ZNF629: variants seen among roughly 807,000 people sequenced by gnomAD.
The protein encoded by ZNF629 is DNA-binding protein.
ZNF629 carries 9 observed loss-of-function variants against 59.7 expected under a neutral mutation model. The observed-to-expected ratio is 0.15, with a 90% CI of 0.09 to 0.26. The LOEUF (loss-of-function observed/expected upper bound fraction) is 0.26. Among genes scored for constraint, ZNF629 ranks in the 10% least tolerant of loss-of-function variants. The pLI is 1.00. For synonymous variants in ZNF629, 509 were observed against 498.9 expected (o/e 1.02, Z -0.27); for missense variants, 853 against 1,165.4 (o/e 0.73, Z 3.90).
rs1006754519 is a variant in ZNF629 at position 30,781,652 on chromosome 16, T to G, written c.*66A>C. On this transcript the variant is annotated 3_prime_UTR_variant, in exon 3 of 3. Coordinates refer to ENST00000262525, the MANE Select transcript of ZNF629 (RefSeq NM_001080417.3). ...GTTATCCTCCCTTCCCCATGTAATTTTTTTGGGGGAAAAAATCCAGTGTTC... is the reference window on the plus strand; with the variant it reads ...GTTATCCTCCCTTCCCCATGTAATTGTTTTGGGGGAAAAAATCCAGTGTTC... The G allele has an allele frequency of 8.3e-6, 12 of 1,443,412 alleles. No homozygotes were observed. Among genetic ancestry groups the G allele is most frequent in the Non-Finnish European group, 1.1e-5 (12 of 1,089,308 alleles). 89.4% of individuals were successfully genotyped at this position (1,443,412 alleles called of 1,614,324 possible). A position where few individuals can be genotyped will look rare whatever the true frequency, so the allele number is the denominator to read the frequency against.
chr16:30,781,420 C>T lies in ZNF629; in HGVS notation c.*298G>A, dbSNP rs191977848. The stretch of plus-strand genomic sequence containing the variant: ...TTCCTACAATTAATAGGGCTTTTAT[C>T]CACTATGGTTTATAGGGTTTTTCTG... On this transcript the variant is annotated 3_prime_UTR_variant, in exon 3 of 3. Coordinates refer to ENST00000262525, the MANE Select transcript of ZNF629 (RefSeq NM_001080417.3). 348 of 256,478 alleles carry T rather than the reference C, an allele frequency of 1.4e-3. No homozygotes were observed. The highest frequency in any genetic ancestry group is 2.1e-3 in the Non-Finnish European group (293 of 136,676). 15.9% of individuals were successfully genotyped at this position (256,478 alleles called of 1,614,324 possible).
In ZNF629 at chr16:30,779,076, A is replaced by C. The variant is rs1156273879; in HGVS notation, c.*2642T>G. 2.0e-5 allele frequency: 3 copies of C among 152,050 alleles called. No individual in the cohort carries two copies. The highest frequency in any genetic ancestry group is 2.4e-5 in the African/African-American group (1 of 41,312). 9.4% of individuals were successfully genotyped at this position (152,050 alleles called of 1,614,324 possible). ...ACACGCCACACCCCAGAGGTATCGA[A>C]CCCTGCCCCTTTCCTACCGCAAGAC... On this transcript the variant is annotated 3_prime_UTR_variant, in exon 3 of 3. Coordinates refer to ENST00000262525, the MANE Select transcript of ZNF629 (RefSeq NM_001080417.3).
At chr16:30,784,626 C>T (rs1165686891) in intron 1 of ZNF629, 111 bp from the exon 2 acceptor site, 1 of 801,050 alleles carries the variant, frequency 1.2e-6, no homozygotes, top group Admixed American at 3.0e-5. Context: ...CTTGTGTGAA[C>T]TTCAGTGTCC....
rs1402568996 is a variant in ZNF629 at position 30,782,412 on chromosome 16, T to G, written c.1916A>C (p.Gln639Pro). 1 of 1,568,104 alleles carries G rather than the reference T, an allele frequency of 6.4e-7. No individual in the cohort carries two copies. Among genetic ancestry groups the G allele is most frequent in the Admixed American group, 1.9e-5 (1 of 52,822 alleles). ...AAEGRAEAPG[Q>P]PLKPPEGQEG... is the part of the protein sequence containing the mutation. ...CTGACCCTCCGGCGGCTTAAGGGGC[T>G]GTCCGGGGGCCTCCGCTCTGCCCTC... The change falls in exon 3 of 3, where the codon CAG (glutamine) becomes CCG (proline). Residue 639 changes from glutamine (Q) to proline (P), a missense_variant. Gln to Pro is a moderately conservative substitution (Grantham distance 76, BLOSUM62 -1). Around this residue, in one of 3 missense-constraint regions of ZNF629, gnomAD observed 420 missense variants for 435.6 expected, o/e 0.96. Transcript: ENST00000262525.
In ZNF629 at chr16:30,786,160, C is replaced by G. The variant is rs865947918; in HGVS notation, c.-34+868G>C. On this transcript the variant is annotated intron_variant, in intron 1 of 2. Transcript: ENST00000262525. The surrounding 1 kb of genome is among the most constrained non-coding windows in gnomAD (Gnocchi z 4.8). ...CCCTGCCAAAGAGCGGTAGGAGAGA[C>G]AGAAGTTAGCGTTTAGGAAGTAAAT... 3.3e-5 allele frequency among the ~76,000 whole-genome samples: 5 copies of G among 152,086 alleles called. No individual in the cohort carries two copies. The highest frequency in any genetic ancestry group is 4.8e-5 in the African/African-American group (2 of 41,374).
At position 30,781,752 on chromosome 16, in the gene ZNF629, A is replaced by G; in HGVS notation, c.2576T>C (p.Leu859Pro). ...GACACCTGGGTGGCAGCTCCTATGGAGCAGGAGGGCTGCGACTTCTGTGAA... is the reference window on the plus strand; with the variant it reads ...GACACCTGGGTGGCAGCTCCTATGGGGCAGGAGGGCTGCGACTTCTGTGAA... ...AGFTEVAALL[L>P]HRSCHPGVSL Residue 859 changes from leucine to proline, a missense_variant, in exon 3 of 3, where the codon CTC (leucine) becomes CCC (proline). By Grantham distance (98) the Leu-to-Pro change is moderately conservative (BLOSUM62 -3). Transcript: ENST00000262525. 6.2e-7 allele frequency: 1 copy of G among 1,612,668 alleles called. No individual in the cohort carries two copies. The highest frequency in any genetic ancestry group is 1.1e-5 in the South Asian group (1 of 90,918).
intron 1 of ZNF629, among the ~76,000 whole-genome samples, chr16:30,784,996 G>T (rs2054319905): frequency 6.6e-6 from 1 of 151,962 alleles, no homozygotes; most frequent in African/African-American, 2.4e-5. Context: ...ACACTTAAAG[G>T]GTTAAGAAAA....
Position 30,784,046 on chromosome 16 carries a change from G to C in ZNF629, c.282C>G (p.Pro94=). 1 of 1,583,538 alleles carries C rather than the reference G, an allele frequency of 6.3e-7. No homozygotes were observed. Among genetic ancestry groups the C allele is most frequent in the Non-Finnish European group, 8.6e-7 (1 of 1,166,862 alleles). The change falls in exon 3 of 3, where the codon CCC becomes CCG. Residue 94 remains proline (P), a synonymous_variant. Transcript: ENST00000262525. ...GGGTAGGGACTACCTCCGGGGCTGG[G>C]GGGTCCAGGGGGATCTGGTGGTCCA... ...NPLDHQIPLD[P]PAPEVVPTPS...
Position 30,787,093 on chromosome 16 carries a change from CCCTG to C in ZNF629, c.-103_-100del, listed in dbSNP as rs889057677. 6.5e-6 allele frequency: 1 copy of C among 152,852 alleles called. No individual in the cohort carries two copies. The highest frequency in any genetic ancestry group is 2.4e-5 in the African/African-American group (1 of 41,472). 9.5% of individuals were successfully genotyped at this position (152,852 alleles called of 1,614,324 possible). ...CCCAGGGGACTTAACCCCTTCAGTG[CCCTG>C]CCTCGGGGGACGGACTGGGCGCCGA... On this transcript the variant is annotated 5_prime_UTR_variant, in exon 1 of 3. Coordinates refer to ENST00000262525, the MANE Select transcript of ZNF629 (RefSeq NM_001080417.3).
chr16:30,784,202 C>T lies in ZNF629; in HGVS notation c.126G>A (p.Glu42=), dbSNP rs749155735. Residue 42 remains glutamate (E), a synonymous_variant, in exon 3 of 3, where the codon GAG becomes GAA. Coordinates refer to ENST00000262525, the MANE Select transcript of ZNF629 (RefSeq NM_001080417.3). The part of the protein sequence containing the change: ...EESPRQESSG[E]EIIMGDPAQS... ...GAGCCGGGTCTCCCATGATGATCTC[C>T]TCCCCAGAACTTTCCTGCCGAGGGC... 1.2e-6 allele frequency: 2 copies of T among 1,608,654 alleles called. No homozygotes were observed. Among genetic ancestry groups the T allele is most frequent in the South Asian group, 2.2e-5 (2 of 90,402 alleles).
chr16:30,783,518 A>T lies in ZNF629; in HGVS notation c.810T>A (p.Ala270=). The T allele has an allele frequency of 6.2e-7, 1 of 1,602,968 alleles. No individual in the cohort carries two copies. The highest frequency in any genetic ancestry group is 8.5e-7 in the Non-Finnish European group (1 of 1,176,494). The stretch of plus-strand genomic sequence containing the variant: ...GGATGAGGTCCGAGCTGCGGTAGAA[A>T]GCCCGGCGGCACTCGCCGCACTTGT... ...KPYKCGECRR[A]FYRSSDLIQH... is the part of the protein sequence containing the mutation. The change falls in exon 3 of 3, where the codon GCT becomes GCA. Residue 270 remains alanine (A), a synonymous_variant. Transcript: ENST00000262525.
chr16:30,785,987 A>G (rs1317047988), intron 1 of ZNF629, among the ~76,000 whole-genome samples: 2 of 152,058 alleles, frequency 1.3e-5, no homozygotes, highest in Non-Finnish European at 2.9e-5. Flanking sequence ...GTCCCACACC[A>G]TTTACACCCT....
In ZNF629 at chr16:30,786,996, AC is replaced by A. The variant is rs1425904357; in HGVS notation, c.-34+31del. ...GCGGCCGTCCCGGGCACTCCAGGCCACCCCCCGGGAACCCAGGCGTCCCCAA... is the reference window on the plus strand; with the variant it reads ...GCGGCCGTCCCGGGCACTCCAGGCCACCCCCGGGAACCCAGGCGTCCCCAA... On this transcript the variant is annotated intron_variant, in intron 1 of 2. Transcript: ENST00000262525. This position sits in a 1 kb window ranked among gnomAD's most constrained non-coding sequence, Gnocchi z 4.8. 2.0e-5 allele frequency: 3 copies of A among 151,614 alleles called. No homozygotes were observed. The highest frequency in any genetic ancestry group is 4.4e-5 in the Non-Finnish European group (3 of 67,938). 9.4% of individuals were successfully genotyped at this position (151,614 alleles called of 1,614,324 possible).
chr16:30,782,981 C>T lies in ZNF629; in HGVS notation c.1347G>A (p.Gln449=). 1.2e-6 allele frequency: 2 copies of T among 1,613,982 alleles called. No individual in the cohort carries two copies. The highest frequency in any genetic ancestry group is 1.7e-6 in the Non-Finnish European group (2 of 1,179,984). ...AGGGCTTCTCACCGGTGTGGATGCG[C>T]TGGTGGCGGATAAGGGTGGAGCTCA... is the stretch of plus-strand genomic sequence containing the variant. ...FIMSSTLIRH[Q]RIHTGEKPYK... is the part of the protein sequence containing the mutation. Residue 449 remains glutamine (Q), a synonymous_variant, in exon 3 of 3, where the codon CAG becomes CAA. Coordinates refer to ENST00000262525, the MANE Select transcript of ZNF629 (RefSeq NM_001080417.3).
At position 30,786,575 on chromosome 16, in the gene ZNF629, G is replaced by C. The variant is rs1403881020; in HGVS notation, c.-34+453C>G. ...CGAGAGATGTGGGGAACGGCCCAGG[G>C]TGACCCTGACATGGAGGCGGCGGGA... On this transcript the variant is annotated intron_variant, in intron 1 of 2. Coordinates refer to ENST00000262525, the MANE Select transcript of ZNF629 (RefSeq NM_001080417.3). The surrounding 1 kb of genome is among the most constrained non-coding windows in gnomAD (Gnocchi z 4.8). Among the ~76,000 whole-genome samples the C allele has an allele frequency of 2.6e-5, 4 of 152,126 alleles. No homozygotes were observed. Among genetic ancestry groups the C allele is most frequent in the Non-Finnish European group, 5.9e-5 (4 of 67,998 alleles).
In ZNF629 at chr16:30,786,797, C is replaced by G. The variant is rs546289365; in HGVS notation, c.-34+231G>C. On this transcript the variant is annotated intron_variant, in intron 1 of 2. Coordinates refer to ENST00000262525, the MANE Select transcript of ZNF629 (RefSeq NM_001080417.3). This position sits in a 1 kb window ranked among gnomAD's most constrained non-coding sequence, Gnocchi z 4.8. The stretch of plus-strand genomic sequence containing the variant: ...GCGCTGGTCCCCGGCCCCGGCCGAT[C>G]CCTCTTCCCAGAATCCCCAGGCTCC... Among the ~76,000 whole-genome samples, 17 of 152,178 alleles carry G rather than the reference C, an allele frequency of 1.1e-4. No individual in the cohort carries two copies. The highest frequency in any genetic ancestry group is 3.9e-4 in the African/African-American group (16 of 41,552).
rs367851796 is a variant in ZNF629 at position 30,784,242 on chromosome 16, T to G, written c.86A>C (p.Glu29Ala). 2.6e-5 allele frequency: 42 copies of G among 1,601,466 alleles called. No homozygotes were observed. Among genetic ancestry groups the G allele is most frequent in the Admixed American group, 5.1e-5 (3 of 59,208 alleles). Residue 29 changes from glutamate (E) to alanine (A), a missense_variant, in exon 3 of 3, where the codon GAA becomes GCA. Glu to Ala is a moderately radical substitution (Grantham distance 107). Around this residue, in one of 3 missense-constraint regions of ZNF629, gnomAD observed 232 missense variants for 193.4 expected, o/e 1.20. Coordinates refer to ENST00000262525, the MANE Select transcript of ZNF629 (RefSeq NM_001080417.3). ...PNDAHRGAES[E>A]NEEESPRQES... ...CTGCCGAGGGCTCTCCTCTTCGTTT[T>G]CACTCTCGGCACCTACAGAAAGAAA...
Position 30,783,348 on chromosome 16 carries a change from A to G in ZNF629, c.980T>C (p.Phe327Ser). 6.2e-7 allele frequency: 1 copy of G among 1,613,248 alleles called. No homozygotes were observed. The highest frequency in any genetic ancestry group is 1.6e-4 in the Middle Eastern group (1 of 6,062). Residue 327 changes from phenylalanine to serine, a missense_variant, in exon 3 of 3, where the codon TTC becomes TCC. By Grantham distance (155) the Phe-to-Ser change is radical (BLOSUM62 -2). This residue lies in a region of ZNF629 where 201 missense variants were observed against 536.5 expected (regional missense o/e 0.37). Coordinates refer to ENST00000262525, the MANE Select transcript of ZNF629 (RefSeq NM_001080417.3). ...PYRCTECGKSFIQSSELTQHQ... is the reference protein window; with the variant it reads ...PYRCTECGKSSIQSSELTQHQ... ...CTGGGTCAGCTCCGAGCTCTGGATG[A>G]AGCTCTTCCCGCACTCGGTGCAGCG...
rs1232117328 is a variant in ZNF629 at position 30,783,015 on chromosome 16, C to G, written c.1313G>C (p.Ser438Thr). The G allele has an allele frequency of 6.2e-7, 1 of 1,613,978 alleles. No homozygotes were observed. Among genetic ancestry groups the G allele is most frequent in the Admixed American group, 1.7e-5 (1 of 60,018 alleles). Residue 438 changes from serine to threonine, a missense_variant, in exon 3 of 3, where the codon AGC becomes ACC. Coordinates refer to ENST00000262525, the MANE Select transcript of ZNF629 (RefSeq NM_001080417.3). Reference protein sequence around the residue: ...RPYICADCGKSFIMSSTLIRH... With the variant: ...RPYICADCGKTFIMSSTLIRH... ...GATAAGGGTGGAGCTCATGATGAAG[C>G]TCTTGCCGCAGTCGGCGCAGATGTA...
Sources: allele counts gnomAD v4.1 joint callset (sites outside exome capture counted in the v4.1 genomes callset), GRCh38; gene constraint gnomAD v4.1.1; regional missense constraint gnomAD v4.1.1; non-coding constraint Gnocchi (gnomAD v3.1); transcripts MANE v1.5; gene names NCBI Gene and HGNC (gene_info 2026-07-23, HGNC 2026-07-21).